Variants in HELLS observed in about 807,000 individuals in gnomAD.
The protein encoded by HELLS is lymphoid-specific helicase.
Under a neutral mutation model 120.0 loss-of-function variants are expected in HELLS, and 32 were observed. The observed-to-expected ratio is 0.27, with a 90% CI of 0.20 to 0.36. HELLS has a LOEUF of 0.36. Among genes scored for constraint, HELLS ranks in the 10% least tolerant of loss-of-function variants. HELLS has a pLI of 1.00. For synonymous variants in HELLS, 341 were observed against 323.4 expected (o/e 1.05, Z -0.58); for missense variants, 650 against 993.4 (o/e 0.65, Z 4.65).
chr10:94,553,871 T>G (rs994848102), intron 2 of HELLS, among the ~76,000 whole-genome samples: 2 of 152,104 alleles, frequency 1.3e-5, no homozygotes, highest in African/African-American at 2.4e-5. Context: ...TAAATGGACC[T>G]TCCAACTCAG....
At chr10:94,605,452 A>C (rs1434546556), downstream of HELLS, among the ~76,000 whole-genome samples, 1 of 152,058 alleles carries the variant, frequency 6.6e-6, no homozygotes, top group Non-Finnish European at 1.5e-5. Flanking sequence ...GTGTTTTCCC[A>C]AGAAAAGAAT....
chr10:94,574,829 A>T, intron 9 of HELLS, 93 bp downstream of exon 9: 1 of 932,360 alleles, frequency 1.1e-6, no homozygotes, highest in Non-Finnish European at 1.6e-6. Flanking sequence ...TCTTATAATT[A>T]TATTGGTTTC....
intron 10 of HELLS, among the ~76,000 whole-genome samples, chr10:94,579,015 T>G (rs1844669267): frequency 6.6e-6 from 1 of 152,104 alleles, no homozygotes; most frequent in African/African-American, 2.4e-5. Context: ...GCTGCTTACC[T>G]CCTGCTGTGT....
Position 94,597,029 on chromosome 10 carries a change from C to T in HELLS, c.2346-6C>T. 6.4e-7 allele frequency: 1 copy of T among 1,562,970 alleles called. No individual in the cohort carries two copies. Among genetic ancestry groups the T allele is most frequent in the South Asian group, 1.1e-5 (1 of 88,896 alleles). ...CACATAGACTTGAATATTTTGTTTT[C>T]TATAGGGAAATAAAAGGATCAAGAG... is the stretch of plus-strand genomic sequence containing the variant. On this transcript the variant is annotated splice_region_variant and splice_polypyrimidine_tract_variant and intron_variant, in intron 20 of 21. Transcript: ENST00000348459.
At chr10:94,603,237 T>C (rs1365309829), downstream of HELLS, among the ~76,000 whole-genome samples, 1 of 152,226 alleles carries the variant, frequency 6.6e-6, no homozygotes. Context: ...TTGTTTTTAG[T>C]TTGTTCTGTT....
rs1324771157 is a variant in HELLS at position 94,590,645 on chromosome 10, G to A, written c.1636G>A (p.Val546Met). Reference sequence around the variant, plus strand: ...CATTATTTGTTTTGGTAGAGCTGTTGTGGAAGTGAATATCCCTGTAGAATC... The same window carrying A: ...CATTATTTGTTTTGGTAGAGCTGTTATGGAAGTGAATATCCCTGTAGAATC... ...QPEVDRERAV[V>M]EVNIPVESEV... is the part of the protein sequence containing the mutation. Residue 546 changes from valine to methionine, a missense_variant, in exon 15 of 22, where the codon GTG (valine) becomes ATG (methionine). This residue lies in a region of HELLS where 191 missense variants were observed against 259.7 expected (regional missense o/e 0.74). Transcript: ENST00000348459. The A allele has an allele frequency of 1.2e-6, 2 of 1,608,910 alleles. No individual in the cohort carries two copies. The highest frequency in any genetic ancestry group is 1.3e-5 in the African/African-American group (1 of 74,644).
intron 2 of HELLS, chr10:94,550,929 A>G: frequency 6.6e-6 from 1 of 152,178 alleles, no homozygotes; most frequent in Non-Finnish European, 1.5e-5. Flanking sequence ...ACAGGATTTA[A>G]GGTATCAACT....
At chr10:94,559,141 T>TGG (rs1843422618) in intron 4 of HELLS, among the ~76,000 whole-genome samples, 2 of 152,204 alleles carry the variant, frequency 1.3e-5, no homozygotes, top group African/African-American at 4.8e-5. Flanking sequence ...CTCCAATACA[T>TGG]ATGTTCCAAG....
chr10:94,573,584 C>T (rs889312586), intron 7 of HELLS, among the ~76,000 whole-genome samples: 3 of 151,842 alleles, frequency 2.0e-5, no homozygotes, highest in Non-Finnish European at 4.4e-5. Context: ...CTCAGCCTCC[C>T]GAGTAGCTGG....
intron 13 of HELLS, among the ~76,000 whole-genome samples, chr10:94,589,136 G>A (rs538615264): frequency 2.0e-5 from 3 of 151,998 alleles, no homozygotes; most frequent in South Asian, 4.2e-4. Flanking sequence ...CAGCAAGAGC[G>A]AAACTCCGTC....
At chr10:94,563,599 A>G (rs1462269955) in intron 6 of HELLS, among the ~76,000 whole-genome samples, 2 of 151,796 alleles carry the variant, frequency 1.3e-5, no homozygotes, top group African/African-American at 2.4e-5. Context: ...TGATCCTCCT[A>G]CCTCAGCCCC....
At chr10:94,562,916 G>C in intron 6 of HELLS, 40 bp downstream of exon 6, 1 of 1,216,232 alleles carries the variant, frequency 8.2e-7, no homozygotes, top group Non-Finnish European at 1.2e-6. Context: ...ATTTGATGTT[G>C]AGTAAAATGT....
At chr10:94,573,278 G>A (rs1844269598) in intron 7 of HELLS, among the ~76,000 whole-genome samples, 1 of 152,052 alleles carries the variant, frequency 6.6e-6, no homozygotes, top group Non-Finnish European at 1.5e-5. Flanking sequence ...CTTTTGTAAA[G>A]TATCTGTTAA....
chr10:94,579,204 T>TC (rs1344330962), intron 10 of HELLS, among the ~76,000 whole-genome samples: 3 of 105,782 alleles, frequency 2.8e-5, no homozygotes, highest in South Asian at 3.3e-4. Flanking sequence ...CTTTTTTCTT[T>TC]TTTTTTTTTT....
chr10:94,600,968 A>C (rs948336026), intron 21 of HELLS, among the ~76,000 whole-genome samples: 4 of 152,176 alleles, frequency 2.6e-5, no homozygotes, highest in Admixed American at 2.6e-4. Context: ...GGATAATATA[A>C]GAGCAGGCTA....
intron 10 of HELLS, among the ~76,000 whole-genome samples, chr10:94,580,501 A>G (rs1476532050): frequency 1.3e-5 from 2 of 152,060 alleles, no homozygotes; most frequent in African/African-American, 4.8e-5. Context: ...TTATATTTTT[A>G]TCTGGATTTT....
intron 19 of HELLS, among the ~76,000 whole-genome samples, chr10:94,595,065 T>C (rs1845675022): frequency 6.6e-6 from 1 of 151,930 alleles, no homozygotes; most frequent in Admixed American, 6.6e-5. Context: ...GCGTCTCTAC[T>C]AACAATACAA....
chr10:94,613,080 C>T (rs1333251442), exon 10 of HELLS: 2 of 152,120 alleles, frequency 1.3e-5, no homozygotes, highest in Non-Finnish European at 2.9e-5. Flanking sequence ...GTGTATCCAC[C>T]ACATTTAACT....
chr10:94,566,644 TTTTTC>T (rs1240260092), intron 6 of HELLS, among the ~76,000 whole-genome samples: 1 of 151,862 alleles, frequency 6.6e-6, no homozygotes, highest in Non-Finnish European at 1.5e-5. Context: ...TCTTTCTTTC[TTTTTC>T]TTTTCTTTTT....
Sources: gnomAD v4.1 joint callset for allele counts (sites outside exome capture counted in the v4.1 genomes callset) on GRCh38, gnomAD v4.1.1 for gene constraint, gnomAD v4.1.1 regional missense constraint, MANE v1.5 for transcripts, NCBI Gene and HGNC (gene_info 2026-07-23, HGNC 2026-07-21) for gene names.